SLC9A8: variants seen among roughly 807,000 people sequenced by gnomAD.
SLC9A8 encodes solute carrier family 9 member A8.
In SLC9A8, 48 loss-of-function variants were observed where a neutral mutation model predicts 66.6. That is an observed-to-expected ratio of 0.72 (90% CI 0.57 to 0.92). SLC9A8 has a LOEUF of 0.92. SLC9A8 is among the 40% of genes least tolerant of loss of function. The pLI is 0.00. For synonymous variants in SLC9A8, 274 were observed against 282.6 expected (o/e 0.97, Z 0.31); for missense variants, 599 against 747.3 (o/e 0.80, Z 2.31).
intron 2 of SLC9A8, among the ~76,000 whole-genome samples, chr20:49,821,663 G>T (rs1383998278): frequency 6.6e-6 from 1 of 152,102 alleles, no homozygotes; most frequent in Non-Finnish European, 1.5e-5. Context: ...TACTGTGGTT[G>T]ATGAGCTGGT....
intron 8 of SLC9A8, among the ~76,000 whole-genome samples, chr20:49,862,265 ATTT>A (rs984682888): frequency 2.0e-5 from 3 of 150,530 alleles, no homozygotes; most frequent in African/African-American, 7.3e-5. Context: ...GGCCTTTTTT[ATTT>A]TTTATTTTTT....
intron 10 of SLC9A8, among the ~76,000 whole-genome samples, chr20:49,872,991 A>G (rs1385101299): frequency 6.6e-6 from 1 of 152,194 alleles, no homozygotes; most frequent in African/African-American, 2.4e-5. Flanking sequence ...GATGCTGAGA[A>G]GAGACCTGTG....
intron 3 of SLC9A8, chr20:49,830,450 G>T: frequency 2.4e-6 from 2 of 822,422 alleles, no homozygotes; most frequent in South Asian, 2.7e-5. Context: ...ACCTGGTGCT[G>T]GGCCCCAGTG....
chr20:49,864,724 A>G lies in SLC9A8; in HGVS notation c.853-15A>G. 6.3e-7 allele frequency: 1 copy of G among 1,596,296 alleles called. No individual in the cohort carries two copies. Among genetic ancestry groups the G allele is most frequent in the Non-Finnish European group, 8.6e-7 (1 of 1,163,700 alleles). ...ACTCTCCCTCGATTCTCCTTCCTTGACAGTTGTCATTTACGTGCTGAAGCA... is the reference window on the plus strand; with the variant it reads ...ACTCTCCCTCGATTCTCCTTCCTTGGCAGTTGTCATTTACGTGCTGAAGCA... On this transcript the variant is annotated splice_polypyrimidine_tract_variant and intron_variant, in intron 9 of 15. Coordinates refer to ENST00000361573, the MANE Select transcript of SLC9A8 (RefSeq NM_015266.3).
In SLC9A8 at chr20:49,874,797, C is replaced by T. The variant is rs148474207; in HGVS notation, c.1051C>T (p.Leu351Phe). 3 of 1,613,270 alleles carry T rather than the reference C, an allele frequency of 1.9e-6. No individual in the cohort carries two copies. Among genetic ancestry groups the T allele is most frequent in the Admixed American group, 1.7e-5 (1 of 60,012 alleles). ...PVTQILMQQT[L>F]RTVAFLCETC... Reference sequence around the variant, plus strand: ...CACCCAGATCCTCATGCAGCAGACCCTCCGCACCGTGGCCTTCTTATGTGG... The same window carrying T: ...CACCCAGATCCTCATGCAGCAGACCTTCCGCACCGTGGCCTTCTTATGTGG... The change falls in exon 11 of 16, where the codon CTC (leucine) becomes TTC (phenylalanine). Residue 351 changes from leucine to phenylalanine, a missense_variant. Coordinates refer to ENST00000361573, the MANE Select transcript of SLC9A8 (RefSeq NM_015266.3).
chr20:49,830,620 T>C (rs1015973586), intron 3 of SLC9A8: 1 of 616,190 alleles, frequency 1.6e-6, no homozygotes, highest in Admixed American at 2.9e-5. Context: ...AATCACAGAA[T>C]GTTGGTGATC....
In SLC9A8 at chr20:49,886,835, GGGCTTCGTGT is replaced by G; in HGVS notation, c.1580_1589del (p.Phe527TrpfsTer6). 1.2e-6 allele frequency: 2 copies of G among 1,614,218 alleles called. No individual in the cohort carries two copies. Among genetic ancestry groups the G allele is most frequent in the Non-Finnish European group, 1.7e-6 (2 of 1,180,026 alleles). The stretch of plus-strand genomic sequence containing the variant: ...ACTACATCAGGCGGCAGGACCTTAA[GGGCTTCGTGT>G]GGCTGGACGCCAAGTACCTGAACCC... On this transcript the variant is annotated frameshift_variant, in exon 15 of 16. Coordinates refer to ENST00000361573, the MANE Select transcript of SLC9A8 (RefSeq NM_015266.3). LOFTEE classifies it high-confidence loss of function. This position sits in a 1 kb window ranked among gnomAD's most constrained non-coding sequence, Gnocchi z 4.8.
chr20:49,887,933 C>A lies in SLC9A8; in HGVS notation c.1743C>A (p.Leu581=). The A allele has an allele frequency of 1.2e-6, 2 of 1,612,878 alleles. No homozygotes were observed. The highest frequency in any genetic ancestry group is 2.2e-5 in the South Asian group (2 of 90,976). ...CCGAGGACGACGAGCAGGAGCTGCTCTGACGCCAGGTGCCAAGGCTTCAGG... is the reference window on the plus strand; with the variant it reads ...CCGAGGACGACGAGCAGGAGCTGCTATGACGCCAGGTGCCAAGGCTTCAGG... The part of the protein sequence containing the change: ...SGSEDDEQEL[L] The change falls in exon 16 of 16, where the codon CTC becomes CTA. Residue 581 remains leucine, a synonymous_variant. Coordinates refer to ENST00000361573, the MANE Select transcript of SLC9A8 (RefSeq NM_015266.3).
chr20:49,873,446 C>G (rs6020098), intron 10 of SLC9A8, among the ~76,000 whole-genome samples: 65,099 of 145,150 alleles, frequency 0.45, 15,088 homozygotes, highest in African/African-American at 0.57. Context: ...CACGCCATTG[C>G]ACTCCAGCCT....
intron 12 of SLC9A8, among the ~76,000 whole-genome samples, chr20:49,878,942 G>A (rs930492483): frequency 2.6e-5 from 4 of 152,110 alleles, no homozygotes; most frequent in Non-Finnish European, 2.9e-5. Flanking sequence ...GCTTGAACCC[G>A]GGAGGCGGAG....
At chr20:49,826,760 A>G (rs960630059) in intron 3 of SLC9A8, among the ~76,000 whole-genome samples, 18 of 152,338 alleles carry the variant, frequency 1.2e-4, no homozygotes, top group Non-Finnish European at 2.6e-4. Flanking sequence ...GCACAGTTAA[A>G]CAACTACTAT....
chr20:49,872,498 G>A (rs893055381), intron 10 of SLC9A8, among the ~76,000 whole-genome samples: 4 of 139,972 alleles, frequency 2.9e-5, no homozygotes, highest in Non-Finnish European at 4.7e-5. Flanking sequence ...TTGTTTGTTT[G>A]TTTTTGAGAC....
Position 49,884,295 on chromosome 20 carries a change from C to CACG in SLC9A8, c.1491+231_1491+232insGAC, listed in dbSNP as rs1555848475. ...ACACGACACACACACACACGACACA[C>CACG]ACACACACACACACACACACACACA... On this transcript the variant is annotated intron_variant, in intron 14 of 15. Coordinates refer to ENST00000361573, the MANE Select transcript of SLC9A8 (RefSeq NM_015266.3). The CACG allele has an allele frequency of 1.5e-3, 445 of 303,940 alleles. 40 individuals carry two copies. The East Asian group carries it at 0.017, about 12-fold the overall frequency. The allele number at this position is 303,940 out of a possible 1,614,324, so 18.8% of individuals were successfully genotyped here. A position where few individuals can be genotyped will look rare whatever the true frequency, so the allele number is the denominator to read the frequency against.
chr20:49,814,136 A>G (rs1176593926), intron 1 of SLC9A8, among the ~76,000 whole-genome samples: 1 of 152,186 alleles, frequency 6.6e-6, no homozygotes, highest in Non-Finnish European at 1.5e-5. Context: ...CATCCCAGAC[A>G]CTAAACAGCC....
chr20:49,876,584 A>G lies in SLC9A8; in HGVS notation c.1076-1397A>G, dbSNP rs545778359. ...GATTGGGCATTAGAAAAATTGTCGA[A>G]TTTTGACAATTTGTCAAATGTGACA... On this transcript the variant is annotated intron_variant, in intron 11 of 15. Coordinates refer to ENST00000361573, the MANE Select transcript of SLC9A8 (RefSeq NM_015266.3). Among the ~76,000 whole-genome samples, 49 of 152,336 alleles carry G rather than the reference A, an allele frequency of 3.2e-4. No individual in the cohort carries two copies. The East Asian group carries it at 9.1e-3, about 28-fold the overall frequency.
Position 49,849,662 on chromosome 20 carries a change from A to T in SLC9A8, c.516A>T (p.Gly172=), listed in dbSNP as rs2088167334. The T allele has an allele frequency of 6.2e-7, 1 of 1,612,108 alleles. No homozygotes were observed. Among genetic ancestry groups the T allele is most frequent in the Admixed American group, 1.7e-5 (1 of 59,996 alleles). The stretch of plus-strand genomic sequence containing the variant: ...TCTCCGCTTTTGTAGTAGGTGGAGG[A>T]ATTTATTTTCTGGGTCAGGTAAGAA... The part of the protein sequence containing the change: ...TAISAFVVGG[G]IYFLGQADVI... The change falls in exon 6 of 16, where the codon GGA becomes GGT. Residue 172 remains glycine, a synonymous_variant. Transcript: ENST00000361573.
chr20:49,829,710 G>C (rs780315532), intron 3 of SLC9A8: 4 of 492,170 alleles, frequency 8.1e-6, no homozygotes, highest in Non-Finnish European at 1.6e-5. Flanking sequence ...TCTCAGGAGA[G>C]CCCAAAGGGA....
rs555244005 is a variant in SLC9A8 at position 49,841,186 on chromosome 20, G to A, written c.348+1587G>A. Among the ~76,000 whole-genome samples, 10 of 151,904 alleles carry A rather than the reference G, an allele frequency of 6.6e-5. No homozygotes were observed. In the East Asian group the frequency reaches 1.9e-3, roughly 29 times the overall value. ...CTGGACGTGGTGGCACGCACCTGTA[G>A]TCCCAGCTACTTGGGAGGCTGAGGC... On this transcript the variant is annotated intron_variant, in intron 4 of 15. Transcript: ENST00000361573.
At chr20:49,852,017 C>T (rs1248977577) in intron 7 of SLC9A8, among the ~76,000 whole-genome samples, 4 of 152,314 alleles carry the variant, frequency 2.6e-5, no homozygotes, top group African/African-American at 9.6e-5. Context: ...TGTAGACACA[C>T]TGACTTAGAG....
Sources: allele counts gnomAD v4.1 joint callset (sites outside exome capture counted in the v4.1 genomes callset), GRCh38; gene constraint gnomAD v4.1.1; non-coding constraint Gnocchi (gnomAD v3.1); transcripts MANE v1.5; gene names NCBI Gene and HGNC (gene_info 2026-07-23, HGNC 2026-07-21).